Variants in TNRC18 observed in about 807,000 individuals in gnomAD.
TNRC18 encodes the protein trinucleotide repeat-containing gene 18 protein.
Under a neutral mutation model 226.7 loss-of-function variants are expected in TNRC18, and 69 were observed. The ratio of observed to expected loss-of-function variants is 0.30; its 90% CI spans 0.25 to 0.37. TNRC18 has a LOEUF of 0.37. TNRC18 is among the 10% of genes least tolerant of loss of function. TNRC18 has a pLI of 1.00. For missense variants in TNRC18, 4,754 were observed against 4,256.6 expected, an observed-to-expected ratio of 1.12 and a Z score of -3.25; for synonymous variants, 2,449 against 1,927.6, an observed-to-expected ratio of 1.27 and a Z score of -7.09.
rs1584028449 is a variant in TNRC18 at position 5,388,725 on chromosome 7, G to A, written c.1099C>T (p.His367Tyr). 2 of 1,263,428 alleles carry A rather than the reference G, an allele frequency of 1.6e-6. No individual in the cohort carries two copies. The highest frequency in any genetic ancestry group is 3.7e-5 in the East Asian group (1 of 27,204). The allele number at this position is 1,263,428 out of a possible 1,614,324, so 78.3% of individuals were successfully genotyped here. A position where few individuals can be genotyped will look rare whatever the true frequency, so the allele number is the denominator to read the frequency against. The change falls in exon 5 of 30, where the codon CAC (histidine) becomes TAC (tyrosine). Residue 367 changes from histidine to tyrosine, a missense_variant. Physicochemically the swap from His to Tyr is moderately conservative, Grantham distance 83 (BLOSUM62 2). Coordinates refer to ENST00000430969, the MANE Select transcript of TNRC18 (RefSeq NM_001080495.3). ...YTVFREQGRE[H>Y]RVVAPTFVPS... ...ACGAAGGTGGGCGCCACCACGCGGT[G>A]CTCACGGCCCTGCTCGCGGAAGACG...
chr7:5,402,002 C>T (rs371996877), intron 2 of TNRC18, among the ~76,000 whole-genome samples: 7 of 151,516 alleles, frequency 4.6e-5, no homozygotes, highest in African/African-American at 9.7e-5. Flanking sequence ...GGTGAAACCC[C>T]GTCTCTACTA....
intron 2 of TNRC18, among the ~76,000 whole-genome samples, chr7:5,412,376 G>C (rs1781900268): frequency 6.6e-6 from 1 of 151,828 alleles, no homozygotes; most frequent in Non-Finnish European, 1.5e-5. Flanking sequence ...ATGAGTTTGA[G>C]ACCAGTCTGG....
chr7:5,397,154 G>C (rs1202948035), intron 2 of TNRC18, among the ~76,000 whole-genome samples: 4 of 152,240 alleles, frequency 2.6e-5, no homozygotes, highest in African/African-American at 4.8e-5. Context: ...GGGCCCCGGG[G>C]CCTCGGTGGC....
At position 5,377,813 on chromosome 7, in the gene TNRC18, T is replaced by C. The variant is rs577014030; in HGVS notation, c.2255+109A>G. ...AGAGTGACTCCCGCTCTCAGTACCA[T>C]AGCATCCATGGTCGAGGGGCCAAGC... On this transcript the variant is annotated intron_variant, in intron 6 of 29. Transcript: ENST00000430969. The surrounding 1 kb of genome is among the most constrained non-coding windows in gnomAD (Gnocchi z 5.8). The C allele has an allele frequency of 4.6e-5, 52 of 1,137,058 alleles. No individual in the cohort carries two copies. The Admixed American group carries it at 4.6e-4, about 10-fold the overall frequency. 70.4% of individuals were successfully genotyped at this position (1,137,058 alleles called of 1,614,324 possible).
At chr7:5,322,595 C>G (rs1788491001) in intron 21 of TNRC18, among the ~76,000 whole-genome samples, 1 of 152,206 alleles carries the variant, frequency 6.6e-6, no homozygotes, top group Admixed American at 6.5e-5. Context: ...CCCCACCTAC[C>G]TCTGAGACTT....
rs376259888 is a variant in TNRC18, at chr7:5,321,237, C to G, written c.6443-47G>C. 5.3e-4 allele frequency: 720 copies of G among 1,346,876 alleles called. 7 individuals carry two copies. The South Asian group carries it at 8.8e-3, about 16-fold the overall frequency. 83.4% of individuals were successfully genotyped at this position (1,346,876 alleles called of 1,614,324 possible). ...GCGAGGCTGGAGCCGGGGGCGTCTGCGACACCTCTCCCTCCTCCCGTTACC... is the reference window on the plus strand; with the variant it reads ...GCGAGGCTGGAGCCGGGGGCGTCTGGGACACCTCTCCCTCCTCCCGTTACC... On this transcript the variant is annotated intron_variant, in intron 21 of 29. Transcript: ENST00000430969.
At chr7:5,417,510 C>T (rs1038191128) in intron 2 of TNRC18, among the ~76,000 whole-genome samples, 3 of 152,118 alleles carry the variant, frequency 2.0e-5, no homozygotes, top group Admixed American at 6.6e-5. Context: ...ATTTCCTTCT[C>T]GGATTTGTGT....
chr7:5,350,095 G>A (rs957912871), intron 17 of TNRC18, among the ~76,000 whole-genome samples: 1 of 152,158 alleles, frequency 6.6e-6, no homozygotes, highest in African/African-American at 2.4e-5. Flanking sequence ...GCTTTAAGGG[G>A]GCGTGGGGTC....
chr7:5,355,956 G>A (rs1468801244), intron 16 of TNRC18, among the ~76,000 whole-genome samples: 2 of 152,120 alleles, frequency 1.3e-5, no homozygotes, highest in Non-Finnish European at 2.9e-5. Context: ...CCTGAGGTCA[G>A]GAGTTTAGGA....
intron 14 of TNRC18, among the ~76,000 whole-genome samples, chr7:5,361,079 C>T (rs1286931967): frequency 4.6e-5 from 7 of 152,330 alleles, no homozygotes; most frequent in South Asian, 2.1e-4. Flanking sequence ...TTCCAGCTGG[C>T]GTTCAGAAAG....
At chr7:5,406,353 T>C (rs1168886950) in intron 2 of TNRC18, among the ~76,000 whole-genome samples, 2 of 151,940 alleles carry the variant, frequency 1.3e-5, no homozygotes, top group Non-Finnish European at 2.9e-5. Context: ...TCTCAGCTAC[T>C]CGGGAGGCTG....
chr7:5,310,725 G>C (rs1357554751), intron 27 of TNRC18, among the ~76,000 whole-genome samples: 6 of 152,178 alleles, frequency 3.9e-5, no homozygotes, highest in African/African-American at 1.2e-4. Context: ...CTCCATTCTA[G>C]AGCAGCTTTG....
chr7:5,356,817 AGAGAGT>A, intron 16 of TNRC18, 93 bp downstream of exon 16: 1 of 1,364,332 alleles, frequency 7.3e-7, no homozygotes, highest in East Asian at 2.5e-5. Context: ...AGAGCGAGAG[AGAGAGT>A]GAGGGGCGGG....
intron 11 of TNRC18, 102 bp downstream of exon 11, chr7:5,370,273 A>G: frequency 7.4e-7 from 1 of 1,356,386 alleles, no homozygotes; most frequent in Non-Finnish European, 9.8e-7. Context: ...CAGTGAGCTA[A>G]GATTGTGCCA....
At chr7:5,316,997 C>A (rs1262611067) in intron 24 of TNRC18, among the ~76,000 whole-genome samples, 1 of 152,032 alleles carries the variant, frequency 6.6e-6, no homozygotes, top group Non-Finnish European at 1.5e-5. Flanking sequence ...AGACACTGAG[C>A]GCAGGGAGGA....
intron 11 of TNRC18, among the ~76,000 whole-genome samples, 183 bp downstream of exon 11, chr7:5,370,192 G>C (rs1234497489): frequency 6.6e-6 from 1 of 152,052 alleles, no homozygotes; most frequent in African/African-American, 2.4e-5. Flanking sequence ...GCATGGTGGT[G>C]GACGCCTGTA....
chr7:5,352,037 G>A lies in TNRC18; in HGVS notation c.5252C>T (p.Pro1751Leu). 1 of 1,613,694 alleles carries A rather than the reference G, an allele frequency of 6.2e-7. No homozygotes were observed. The highest frequency in any genetic ancestry group is 1.1e-5 in the South Asian group (1 of 91,016). The change falls in exon 17 of 30, where the codon CCC (proline) becomes CTC (leucine). Residue 1751 changes from proline (P) to leucine (L), a missense_variant. Coordinates refer to ENST00000430969, the MANE Select transcript of TNRC18 (RefSeq NM_001080495.3). ...FLKDEWPAQG[P>L]SSSKLTPSLL... Reference sequence around the variant, plus strand: ...GGAAGGCGTCAGTTTGGAGCTGGAGGGGCCTTGGGCGGGCCACTCGTCCTT... The same window carrying A: ...GGAAGGCGTCAGTTTGGAGCTGGAGAGGCCTTGGGCGGGCCACTCGTCCTT...
In TNRC18 at chr7:5,374,071, G is replaced by T. The variant is rs1194505842; in HGVS notation, c.3213C>A (p.Phe1071Leu). 6.4e-7 allele frequency: 1 copy of T among 1,574,242 alleles called. No homozygotes were observed. Among genetic ancestry groups the T allele is most frequent in the Non-Finnish European group, 8.6e-7 (1 of 1,163,422 alleles). ...GCATCCTACCTGAGAACAGGGCCTG[G>T]AAGGGGCTGGGGGCTTCCTTCTCCA... ...LELEKEAPSP[F>L]QALFSDIPPR... Residue 1071 changes from phenylalanine (F) to leucine (L), a missense_variant, in exon 10 of 30, where the codon TTC (phenylalanine) becomes TTA (leucine). Transcript: ENST00000430969.
chr7:5,389,466 T>TTTG, intron 4 of TNRC18, 130 bp from the exon 5 acceptor site: 3 of 1,099,464 alleles, frequency 2.7e-6, no homozygotes, highest in Non-Finnish European at 3.4e-6. Flanking sequence ...TTTTGGTTTT[T>TTTG]TTTTTCAGAA....
Sources: allele counts gnomAD v4.1 joint callset (sites outside exome capture counted in the v4.1 genomes callset), GRCh38; gene constraint gnomAD v4.1.1; non-coding constraint Gnocchi (gnomAD v3.1); transcripts MANE v1.5; gene names NCBI Gene and HGNC (gene_info 2026-07-23, HGNC 2026-07-21).